The following CCDC93 variants were observed in gnomAD, a reference collection of about 807,000 sequenced individuals.
The protein encoded by CCDC93 is CCC complex scaffolding subunit CCDC93, also known as coiled-coil domain-containing protein 93.
CCDC93 carries 61 observed loss-of-function variants against 108.2 expected under a neutral mutation model. That is an observed-to-expected ratio of 0.56 (90% CI 0.46 to 0.70). The LOEUF (loss-of-function observed/expected upper bound fraction) is 0.70. CCDC93 is among the 30% of genes least tolerant of loss of function. The pLI is 0.00. For synonymous variants in CCDC93, 276 were observed against 260.4 expected (o/e 1.06, Z -0.58); for missense variants, 685 against 764.2 (o/e 0.90, Z 1.22).
rs1007046019 is a variant in CCDC93 at position 118,014,037 on chromosome 2, A to G, written c.-42T>C. ...CGTAAGGCGAGAGCGAAGCCCGCCA[A>G]GCGTCCGGAGGAAGCTGTCCCTGCC... On this transcript the variant is annotated 5_prime_UTR_variant, in exon 1 of 24. Coordinates refer to ENST00000376300, the MANE Select transcript of CCDC93 (RefSeq NM_019044.5). The G allele has an allele frequency of 3.8e-6, 6 of 1,580,046 alleles. No homozygotes were observed. The highest frequency in any genetic ancestry group is 5.2e-6 in the Non-Finnish European group (6 of 1,164,168).
intron 3 of CCDC93, among the ~76,000 whole-genome samples, chr2:118,001,916 T>C (rs17512859): frequency 0.39 from 59,207 of 152,014 alleles, 12,192 homozygotes; most frequent in East Asian, 0.68. Context: ...AGAGAAAAGA[T>C]ACTATTCAGT....
Position 117,956,144 on chromosome 2 carries a change from T to C in CCDC93, c.1005+2221A>G, listed in dbSNP as rs1166747390. ...TCCTCATCCAGTTGGCCTAGCTACA[T>C]GGTCAGGGATTACTCCATGTGCTGG... is the stretch of plus-strand genomic sequence containing the variant. On this transcript the variant is annotated intron_variant, in intron 12 of 23. Coordinates refer to ENST00000376300, the MANE Select transcript of CCDC93 (RefSeq NM_019044.5). 5.3e-5 allele frequency among the ~76,000 whole-genome samples: 8 copies of C among 152,212 alleles called. No individual in the cohort carries two copies. In the South Asian group the frequency reaches 1.7e-3, roughly 31 times the overall value.
chr2:117,944,363 AAAAACCTATGATGATGTAGAG>A, intron 17 of CCDC93, among the ~76,000 whole-genome samples: 2 of 152,336 alleles, frequency 1.3e-5, no homozygotes, highest in East Asian at 3.9e-4. Flanking sequence ...CTTCCCCTGC[AAAAACCTATGATGATGTAGAG>A]ACAAATCATT....
At chr2:117,938,143 A>C (rs974360637) in intron 20 of CCDC93, among the ~76,000 whole-genome samples, 1 of 152,218 alleles carries the variant, frequency 6.6e-6, no homozygotes, top group East Asian at 1.9e-4. Flanking sequence ...ACATTTTCTC[A>C]TTCTGTCCGC....
chr2:117,980,472 C>G (rs1307679458), intron 7 of CCDC93, among the ~76,000 whole-genome samples: 1 of 152,184 alleles, frequency 6.6e-6, no homozygotes, highest in Non-Finnish European at 1.5e-5. Context: ...ACAACCAAAT[C>G]TGAGTGACTT....
Position 117,995,497 on chromosome 2 carries a change from A to G in CCDC93, c.468T>C (p.Asp156=). The G allele has an allele frequency of 6.2e-7, 1 of 1,613,010 alleles. No individual in the cohort carries two copies. Among genetic ancestry groups the G allele is most frequent in the East Asian group, 2.2e-5 (1 of 44,890 alleles). ...CCTTTTCTTTTCTCTTTATGAAGTC[A>G]TCATCCTACAAGACAAAACAGAGCG... ...FQKTYSLPED[D]DFIKRKEKAI... is the part of the protein sequence containing the mutation. The change falls in exon 6 of 24, where the codon GAT becomes GAC. Residue 156 remains aspartate (D), a synonymous_variant. Transcript: ENST00000376300.
intron 10 of CCDC93, among the ~76,000 whole-genome samples, chr2:117,974,523 T>C (rs138767544): frequency 7.2e-4 from 110 of 151,934 alleles, no homozygotes; most frequent in African/African-American, 2.4e-3. Context: ...ACCTAGATAG[T>C]GTAGGAAGAA....
chr2:117,977,415 G>C (rs1256372307), intron 8 of CCDC93, among the ~76,000 whole-genome samples: 2 of 152,168 alleles, frequency 1.3e-5, no homozygotes, highest in Non-Finnish European at 2.9e-5. Flanking sequence ...AAAACATACA[G>C]AGCCCTTAAC....
At position 117,969,010 on chromosome 2, in the gene CCDC93, G is replaced by T. The variant is rs963414630; in HGVS notation, c.888+4898C>A. Among the ~76,000 whole-genome samples the T allele has an allele frequency of 7.9e-5, 12 of 152,274 alleles. No homozygotes were observed. In the South Asian group the frequency reaches 2.1e-3, roughly 26 times the overall value. ...AACCATGGTAGACAACTCTACAATGGCCCCATGATTCCCACCTGCTGATGT... is the reference window on the plus strand; with the variant it reads ...AACCATGGTAGACAACTCTACAATGTCCCCATGATTCCCACCTGCTGATGT... On this transcript the variant is annotated intron_variant, in intron 11 of 23. Coordinates refer to ENST00000376300, the MANE Select transcript of CCDC93 (RefSeq NM_019044.5).
intron 6 of CCDC93, among the ~76,000 whole-genome samples, chr2:117,994,305 T>G (rs934703272): frequency 2.6e-5 from 4 of 152,232 alleles, no homozygotes; most frequent in Non-Finnish European, 4.4e-5. Flanking sequence ...AGAAAATTAC[T>G]CTGAGGTCAT....
chr2:117,962,622 G>A (rs1573492521), intron 11 of CCDC93, among the ~76,000 whole-genome samples: 2 of 152,212 alleles, frequency 1.3e-5, no homozygotes, highest in Admixed American at 1.3e-4. Context: ...CAGCCTGGGC[G>A]GCAGAGTGGG....
chr2:117,968,547 C>T (rs1480669531), intron 11 of CCDC93, among the ~76,000 whole-genome samples: 1 of 152,170 alleles, frequency 6.6e-6, no homozygotes, highest in Non-Finnish European at 1.5e-5. Context: ...TGCTGCTCTA[C>T]AAGAACCATA....
intron 7 of CCDC93, among the ~76,000 whole-genome samples, chr2:117,982,756 G>GC (rs1491449174): frequency 3.9e-3 from 4 of 1,020 alleles, no homozygotes; most frequent in Non-Finnish European, 0.019. Context: ...ATAGTGTAGT[G>GC]GGGGGGGGGG....
intron 22 of CCDC93, among the ~76,000 whole-genome samples, chr2:117,931,913 A>C (rs749089433): frequency 3.3e-5 from 5 of 152,232 alleles, no homozygotes; most frequent in Non-Finnish European, 7.3e-5. Flanking sequence ...AGCTACGTGT[A>C]GTGGTGAACA....
intron 8 of CCDC93, among the ~76,000 whole-genome samples, chr2:117,976,888 G>A (rs185569302): frequency 6.8e-6 from 1 of 146,502 alleles, no homozygotes; most frequent in Admixed American, 6.8e-5. Context: ...TCCTGTTCAA[G>A]AAATCTGGGG....
rs757543411 is a variant in CCDC93, at chr2:117,986,057, G to T, written c.532C>A (p.Pro178Thr). 4 of 1,610,040 alleles carry T rather than the reference G, an allele frequency of 2.5e-6. No individual in the cohort carries two copies. The South Asian group carries it at 4.4e-5, about 18-fold the overall frequency. ...TVVDLSEVYKPRRKYKRHQGA... is the reference protein window; with the variant it reads ...TVVDLSEVYKTRRKYKRHQGA... ...TGGTGGCGTTTGTATTTCCGACGGG[G>T]CTTGTACACTTCCTAAGTGGATGAG... is the stretch of plus-strand genomic sequence containing the variant. Residue 178 changes from proline (P) to threonine (T), a missense_variant, in exon 7 of 24, where the codon CCC (proline) becomes ACC (threonine). Transcript: ENST00000376300.
chr2:118,008,855 C>T (rs753076524), intron 1 of CCDC93, 197 bp from the exon 2 acceptor site: 19 of 547,040 alleles, frequency 3.5e-5, no homozygotes, highest in Admixed American at 1.0e-4. Flanking sequence ...AATGGGTCCG[C>T]GGTCCTCAAC....
At chr2:117,956,468 G>A (rs1443088566) in intron 12 of CCDC93, among the ~76,000 whole-genome samples, 3 of 152,098 alleles carry the variant, frequency 2.0e-5, no homozygotes, top group African/African-American at 7.2e-5. Context: ...GTTCCTGCTG[G>A]GATACTCTGG....
At chr2:117,953,681 TATAAA>T (rs1336722659) in intron 12 of CCDC93, among the ~76,000 whole-genome samples, 1 of 146,570 alleles carries the variant, frequency 6.8e-6, no homozygotes, top group Admixed American at 6.9e-5. Flanking sequence ...TGAGTGCCCT[TATAAA>T]AGAGGCTCAG....
Sources: allele counts gnomAD v4.1 joint callset (sites outside exome capture counted in the v4.1 genomes callset), GRCh38; gene constraint gnomAD v4.1.1; transcripts MANE v1.5; gene names NCBI Gene and HGNC (gene_info 2026-07-23, HGNC 2026-07-21).